NCKAP5: variants seen among roughly 807,000 people sequenced by gnomAD.
NCKAP5 encodes the protein nck-associated protein 5.
A neutral mutation model predicts 167.0 loss-of-function variants in NCKAP5; 92 were observed. The ratio of observed to expected loss-of-function variants is 0.55; its 90% CI spans 0.47 to 0.66. The LOEUF (loss-of-function observed/expected upper bound fraction) is 0.66, where lower values mean the gene tolerates loss of function less well. NCKAP5 is among the 30% of genes least tolerant of loss of function. The pLI is 0.00. For synonymous variants in NCKAP5, 891 were observed against 877.4 expected, an observed-to-expected ratio of 1.02 and a Z score of -0.27; for missense variants, 2,378 against 2,315.0, an observed-to-expected ratio of 1.03 and a Z score of -0.56.
intron 8 of NCKAP5, among the ~76,000 whole-genome samples, chr2:132,920,659 TTATA>T (rs371454572): frequency 1.2e-5 from 1 of 82,016 alleles, no homozygotes; most frequent in Non-Finnish European, 2.2e-5. Flanking sequence ...ATGGAAGAAC[TTATA>T]TATATATATA....
chr2:133,357,288 G>GACACACACACACACACAC (rs10635907), intron 3 of NCKAP5, among the ~76,000 whole-genome samples: 3 of 140,226 alleles, frequency 2.1e-5, no homozygotes, highest in Non-Finnish European at 3.1e-5. Context: ...CACATACACA[G>GACACACACACACACACAC]ACACACACAC....
At chr2:133,450,995 C>A (rs1468998350) in intron 3 of NCKAP5, among the ~76,000 whole-genome samples, 1 of 152,104 alleles carries the variant, frequency 6.6e-6, no homozygotes, top group Non-Finnish European at 1.5e-5. Flanking sequence ...AGCCCCCAAA[C>A]CCCCAAAATG....
chr2:133,181,431 G>T (rs1301626660), intron 5 of NCKAP5, among the ~76,000 whole-genome samples: 1 of 151,756 alleles, frequency 6.6e-6, no homozygotes, highest in East Asian at 1.9e-4. Flanking sequence ...AAAATGGAAG[G>T]CAATAAATAA....
chr2:133,672,563 T>C, the NCKAP5 span, among the ~76,000 whole-genome samples: 18 of 152,208 alleles, frequency 1.2e-4, no homozygotes, highest in African/African-American at 4.3e-4. Context: ...TTGTTCTATA[T>C]GTTTAGCCTC....
At chr2:133,261,984 G>A (rs1574529376) in intron 4 of NCKAP5, among the ~76,000 whole-genome samples, 2 of 152,168 alleles carry the variant, frequency 1.3e-5, no homozygotes, top group Non-Finnish European at 2.9e-5. Context: ...TGAGAGACGA[G>A]GTTAATGTGA....
chr2:133,252,760 C>T (rs1045261734), intron 4 of NCKAP5, among the ~76,000 whole-genome samples: 2 of 152,084 alleles, frequency 1.3e-5, no homozygotes, highest in African/African-American at 4.8e-5. Flanking sequence ...CAATGCCAGC[C>T]AAAAATAGGG....
intron 3 of NCKAP5, among the ~76,000 whole-genome samples, chr2:133,354,873 T>A (rs1237865063): frequency 6.6e-6 from 1 of 152,114 alleles, no homozygotes; most frequent in Admixed American, 6.5e-5. Context: ...ATTACCAGAA[T>A]CATTAACTAG....
At chr2:132,894,797 C>A (rs537268711) in intron 8 of NCKAP5, among the ~76,000 whole-genome samples, 1 of 152,152 alleles carries the variant, frequency 6.6e-6, no homozygotes, top group South Asian at 2.1e-4. Context: ...CGCCCTCCGC[C>A]CTGCTCCCCA....
chr2:132,976,563 CA>C (rs1169178217), intron 7 of NCKAP5, among the ~76,000 whole-genome samples: 1,348 of 51,810 alleles, frequency 0.026, 10 homozygotes, highest in African/African-American at 0.067. Flanking sequence ...GACTCCATCT[CA>C]AAAAAAAAAA....
chr2:133,486,701 A>AT (rs1218023246), intron 3 of NCKAP5, among the ~76,000 whole-genome samples: 4 of 152,010 alleles, frequency 2.6e-5, no homozygotes, highest in Non-Finnish European at 4.4e-5. Context: ...GTCTACAAAT[A>AT]TTTTTTTTCT....
chr2:132,753,175 G>A (rs4954357), intron 16 of NCKAP5, among the ~76,000 whole-genome samples: 18,543 of 152,128 alleles, frequency 0.12, 1,694 homozygotes, highest in East Asian at 0.45. Flanking sequence ...AGGAGATAGC[G>A]TTTGTGGCAC....
intron 3 of NCKAP5, among the ~76,000 whole-genome samples, chr2:133,394,233 A>G (rs1035232002): frequency 6.6e-6 from 1 of 152,244 alleles, no homozygotes; most frequent in African/African-American, 2.4e-5. Flanking sequence ...CTAGCGAACT[A>G]AAAATAGTCC....
chr2:133,586,751 T>TCACACA, the NCKAP5 span, among the ~76,000 whole-genome samples: 2,732 of 140,988 alleles, frequency 0.019, 41 homozygotes, highest in Admixed American at 0.025. Flanking sequence ...GACAGCAATA[T>TCACACA]CACACACACA....
intron 7 of NCKAP5, among the ~76,000 whole-genome samples, chr2:132,973,304 G>A (rs981046269): frequency 2.6e-5 from 4 of 152,126 alleles, no homozygotes; most frequent in South Asian, 2.1e-4. Context: ...ATCAAGCACC[G>A]TCTCACTAGG....
chr2:132,963,500 T>C (rs1045718395), intron 8 of NCKAP5, among the ~76,000 whole-genome samples: 2 of 152,204 alleles, frequency 1.3e-5, no homozygotes, highest in African/African-American at 4.8e-5. Context: ...TTAAAATCAA[T>C]TACTGCCCTA....
intron 3 of NCKAP5, among the ~76,000 whole-genome samples, chr2:133,321,482 G>T (rs184484645): frequency 3.1e-4 from 47 of 152,300 alleles, no homozygotes; most frequent in South Asian, 1.9e-3. Flanking sequence ...GAGTTGTCAA[G>T]TACTTTGTCA....
chr2:133,494,708 T>C (rs1286076657), intron 3 of NCKAP5, among the ~76,000 whole-genome samples: 1 of 152,116 alleles, frequency 6.6e-6, no homozygotes, highest in Non-Finnish European at 1.5e-5. Flanking sequence ...ACTGATAAAA[T>C]AGACTTTTTA....
At chr2:133,521,637 G>T (rs926400334) in intron 2 of NCKAP5, among the ~76,000 whole-genome samples, 8 of 152,140 alleles carry the variant, frequency 5.3e-5, no homozygotes, top group Non-Finnish European at 1.2e-4. Context: ...TCCTCACATG[G>T]CCTTTGCTTT....
At chr2:133,118,417 A>G (rs1372427347) in intron 6 of NCKAP5, 3 of 152,164 alleles carry the variant, frequency 2.0e-5, no homozygotes, top group Non-Finnish European at 4.4e-5. Context: ...AAATCTCAAT[A>G]TGATGGACCA....
Sources: gnomAD v4.1 joint callset for allele counts (sites outside exome capture counted in the v4.1 genomes callset) on GRCh38, gnomAD v4.1.1 for gene constraint, MANE v1.5 for transcripts, NCBI Gene and HGNC (gene_info 2026-07-23, HGNC 2026-07-21) for gene names.